Variants in FSTL5 observed in about 807,000 individuals in gnomAD.
FSTL5 encodes the protein follistatin like 5.
Under a neutral mutation model 89.1 loss-of-function variants are expected in FSTL5, and 62 were observed. The ratio of observed to expected loss-of-function variants is 0.70; its 90% CI spans 0.57 to 0.86. The LOEUF (loss-of-function observed/expected upper bound fraction) is 0.86. Among genes scored for constraint, FSTL5 ranks in the 40% least tolerant of loss-of-function variants. FSTL5 has a pLI of 0.00. For missense variants in FSTL5, 1,057 were observed against 1,001.6 expected (o/e 1.06, Z -0.75); for synonymous variants, 383 against 346.2 (o/e 1.11, Z -1.18).
At chr4:161,696,943 C>A (rs1425985506) in intron 6 of FSTL5, among the ~76,000 whole-genome samples, 2 of 152,150 alleles carry the variant, frequency 1.3e-5, no homozygotes, top group East Asian at 1.9e-4. Context: ...CCCTTTGTTT[C>A]TTTCTCTTGT....
intron 15 of FSTL5, among the ~76,000 whole-genome samples, chr4:161,421,585 T>C (rs1474845428): frequency 6.6e-6 from 1 of 152,150 alleles, no homozygotes; most frequent in Non-Finnish European, 1.5e-5. Context: ...TTGACTTGAC[T>C]GGAACACAGG....
At chr4:161,525,683 T>C (rs986566906) in intron 10 of FSTL5, among the ~76,000 whole-genome samples, 12 of 152,204 alleles carry the variant, frequency 7.9e-5, no homozygotes, top group East Asian at 5.8e-4. Flanking sequence ...TTGCTGGCTC[T>C]CAAGGCATAG....
intron 2 of FSTL5, among the ~76,000 whole-genome samples, chr4:162,102,418 T>C (rs183824909): frequency 3.3e-5 from 5 of 151,216 alleles, no homozygotes; most frequent in Admixed American, 2.6e-4. Context: ...CAAACGTGTA[T>C]AGTATATTAA....
intron 2 of FSTL5, among the ~76,000 whole-genome samples, chr4:162,097,068 T>C (rs1452957339): frequency 2.0e-5 from 3 of 151,948 alleles, no homozygotes; most frequent in Admixed American, 6.6e-5. Context: ...TATCTTTTTT[T>C]ACTATTGCTT....
chr4:161,633,517 T>C (rs1033643628), intron 7 of FSTL5, among the ~76,000 whole-genome samples: 2 of 151,842 alleles, frequency 1.3e-5, no homozygotes, highest in Non-Finnish European at 2.9e-5. Flanking sequence ...CAGCTAATTT[T>C]TGTATTTTTA....
At chr4:161,947,655 A>C (rs557296834) in intron 3 of FSTL5, among the ~76,000 whole-genome samples, 149 of 152,046 alleles carry the variant, frequency 9.8e-4, no homozygotes, top group African/African-American at 3.4e-3. Context: ...GGGTTAAATC[A>C]TTTTCTTTTA....
At chr4:161,746,501 T>G (rs746514920) in intron 6 of FSTL5, among the ~76,000 whole-genome samples, 10 of 152,154 alleles carry the variant, frequency 6.6e-5, no homozygotes, top group Non-Finnish European at 1.3e-4. Flanking sequence ...GGGGCTTGAC[T>G]GTAGCATTTG....
At chr4:161,780,923 C>T (rs568510693) in intron 4 of FSTL5, among the ~76,000 whole-genome samples, 3 of 152,092 alleles carry the variant, frequency 2.0e-5, no homozygotes, top group Non-Finnish European at 4.4e-5. Flanking sequence ...CAATTCCCTT[C>T]AACACAAAAG....
At chr4:162,062,640 T>A (rs1418020607) in intron 2 of FSTL5, among the ~76,000 whole-genome samples, 1 of 151,104 alleles carries the variant, frequency 6.6e-6, no homozygotes, top group African/African-American at 2.4e-5. Flanking sequence ...TTATTATAAT[T>A]ATTTAATAAT....
chr4:161,453,389 A>G (rs1407765901), intron 15 of FSTL5, among the ~76,000 whole-genome samples: 1 of 152,110 alleles, frequency 6.6e-6, no homozygotes, highest in Non-Finnish European at 1.5e-5. Context: ...CATAACACCA[A>G]TTGCCAATTA....
intron 4 of FSTL5, among the ~76,000 whole-genome samples, chr4:161,837,171 G>A (rs1156781961): frequency 6.6e-6 from 1 of 152,136 alleles, no homozygotes; most frequent in East Asian, 1.9e-4. Flanking sequence ...CAACAGAAGT[G>A]AAGTTGAGGT....
chr4:161,991,430 G>A (rs957390929), intron 3 of FSTL5, among the ~76,000 whole-genome samples: 1 of 151,904 alleles, frequency 6.6e-6, no homozygotes, highest in Non-Finnish European at 1.5e-5. Flanking sequence ...TAGTGATTTG[G>A]TCTAACATTT....
intron 4 of FSTL5, among the ~76,000 whole-genome samples, chr4:161,847,503 G>C (rs998034773): frequency 3.3e-5 from 5 of 152,116 alleles, no homozygotes; most frequent in African/African-American, 1.2e-4. Context: ...TCCAGAGCTG[G>C]CTCTCCAAAG....
intron 2 of FSTL5, among the ~76,000 whole-genome samples, chr4:162,052,586 C>T (rs112825674): frequency 1.9e-4 from 29 of 151,750 alleles, no homozygotes; most frequent in Middle Eastern, 3.4e-3. Flanking sequence ...GAGAGGATGA[C>T]CATCAGAGTT....
Position 161,529,322 on chromosome 4 carries a change from T to C in FSTL5, c.1312+8844A>G, listed in dbSNP as rs557880179. Among the ~76,000 whole-genome samples the C allele has an allele frequency of 2.4e-4, 35 of 143,184 alleles. 3 individuals carry two copies. The highest frequency in any genetic ancestry group is 8.2e-4 in the African/African-American group (33 of 40,134). 93.9% of individuals were successfully genotyped at this position (143,184 alleles called of 152,430 possible). ...AGTCACAAGACAGGTATTTTCGGTA[T>C]GTTCTGGGTAAAAAGATGAAAAGAC... On this transcript the variant is annotated intron_variant, in intron 10 of 15. Transcript: ENST00000306100.
At chr4:161,871,394 T>C (rs1394631125) in intron 4 of FSTL5, among the ~76,000 whole-genome samples, 1 of 152,144 alleles carries the variant, frequency 6.6e-6, no homozygotes, top group African/African-American at 2.4e-5. Flanking sequence ...TATTAATTTG[T>C]GGAAATTTCA....
At chr4:161,583,242 T>C (rs992613452) in intron 8 of FSTL5, among the ~76,000 whole-genome samples, 1 of 152,056 alleles carries the variant, frequency 6.6e-6, no homozygotes, top group Non-Finnish European at 1.5e-5. Flanking sequence ...ATGTGTCAGG[T>C]GTCATTTTCC....
chr4:161,989,683 A>T (rs1427150048), intron 3 of FSTL5, among the ~76,000 whole-genome samples: 1 of 152,126 alleles, frequency 6.6e-6, no homozygotes. Flanking sequence ...ACTCAGCAAA[A>T]GTATAGGGAC....
At chr4:161,594,832 T>C (rs1733956209) in intron 7 of FSTL5, among the ~76,000 whole-genome samples, 1 of 151,944 alleles carries the variant, frequency 6.6e-6, no homozygotes, top group Admixed American at 6.6e-5. Flanking sequence ...AATAAATATT[T>C]ATTGAGCATG....
Sources: allele counts gnomAD v4.1 joint callset (sites outside exome capture counted in the v4.1 genomes callset), GRCh38; gene constraint gnomAD v4.1.1; transcripts MANE v1.5; gene names NCBI Gene and HGNC (gene_info 2026-07-23, HGNC 2026-07-21).